The following SGMS1 variants were observed in gnomAD, a reference collection of about 807,000 sequenced individuals.
SGMS1 encodes the protein phosphatidylcholine:ceramide cholinephosphotransferase 1.
A neutral mutation model predicts 46.2 loss-of-function variants in SGMS1; 13 were observed. The ratio of observed to expected loss-of-function variants is 0.28; its 90% confidence interval spans 0.18 to 0.45. SGMS1 has a LOEUF of 0.45. SGMS1 is among the 20% of genes least tolerant of loss of function. The pLI, the probability that SGMS1 is intolerant of heterozygous loss-of-function variation, is 1.00. For missense variants in SGMS1, 324 were observed against 519.9 expected (o/e 0.62, Z 3.66); for synonymous variants, 203 against 187.8 (o/e 1.08, Z -0.66).
chr10:50,446,329 G>T (rs1233834496), intron 5 of SGMS1, among the ~76,000 whole-genome samples: 1 of 152,004 alleles, frequency 6.6e-6, no homozygotes. Context: ...CTGCCAACAT[G>T]TGATGTCTCC....
At chr10:50,353,096 G>C (rs1848051260) in intron 6 of SGMS1, among the ~76,000 whole-genome samples, 1 of 152,200 alleles carries the variant, frequency 6.6e-6, no homozygotes, top group Non-Finnish European at 1.5e-5. Context: ...GATAAGGCCA[G>C]CATCATCCTG....
At chr10:50,500,306 A>T (rs1174237967) in intron 3 of SGMS1, among the ~76,000 whole-genome samples, 1 of 152,244 alleles carries the variant, frequency 6.6e-6, no homozygotes, top group Non-Finnish European at 1.5e-5. Flanking sequence ...GAAATCACTT[A>T]ACCCAAACTG....
rs191463101 is a variant in SGMS1, at chr10:50,472,427, T to A, written c.-497-5495A>T. Among the ~76,000 whole-genome samples, 318 of 152,284 alleles carry A rather than the reference T, an allele frequency of 2.1e-3. 4 individuals are homozygous for A. Among genetic ancestry groups the A allele is most frequent in the South Asian group, 8.3e-3 (40 of 4,816 alleles). ...GTTTGACTTTTCAAGAATCTACATATATGTGAGATCATGCAGTAACATAAT... is the reference window on the plus strand; with the variant it reads ...GTTTGACTTTTCAAGAATCTACATAAATGTGAGATCATGCAGTAACATAAT... On this transcript the variant is annotated intron_variant, in intron 3 of 10. Coordinates refer to ENST00000361781, the MANE Select transcript of SGMS1 (RefSeq NM_147156.4).
At chr10:50,595,577 C>T (rs556444164) in intron 1 of SGMS1, among the ~76,000 whole-genome samples, 115 of 152,148 alleles carry the variant, frequency 7.6e-4, no homozygotes, top group Non-Finnish European at 1.4e-3. Flanking sequence ...AGTAACTTGG[C>T]CAAAATCACA....
intron 1 of SGMS1, among the ~76,000 whole-genome samples, chr10:50,622,758 G>C (rs980516590): frequency 6.6e-6 from 1 of 152,166 alleles, no homozygotes; most frequent in Non-Finnish European, 1.5e-5. Context: ...TCTACTTCGC[G>C]GCACCAAAGA....
At chr10:50,515,324 A>T (rs777462351) in intron 3 of SGMS1, among the ~76,000 whole-genome samples, 10 of 152,222 alleles carry the variant, frequency 6.6e-5, no homozygotes, top group Non-Finnish European at 1.0e-4. Flanking sequence ...TATGAAAGAC[A>T]GCACTCTTGG....
At chr10:50,337,154 A>T (rs543101487) in intron 7 of SGMS1, among the ~76,000 whole-genome samples, 6 of 152,222 alleles carry the variant, frequency 3.9e-5, no homozygotes, top group Non-Finnish European at 7.3e-5. Flanking sequence ...CATGAGTTTC[A>T]TACATGGATG....
At chr10:50,443,205 G>T (rs747505255) in intron 5 of SGMS1, among the ~76,000 whole-genome samples, 3 of 152,114 alleles carry the variant, frequency 2.0e-5, no homozygotes, top group South Asian at 2.1e-4. Flanking sequence ...TGTAGATAAG[G>T]CATCCCTGTT....
chr10:50,313,501 G>A (rs1218677542), intron 8 of SGMS1, among the ~76,000 whole-genome samples: 2 of 152,156 alleles, frequency 1.3e-5, no homozygotes, highest in African/African-American at 2.4e-5. Context: ...TTTTCACATC[G>A]AGTTGTGTAG....
At chr10:50,370,340 C>G (rs921053521) in intron 6 of SGMS1, among the ~76,000 whole-genome samples, 5 of 151,858 alleles carry the variant, frequency 3.3e-5, no homozygotes, top group African/African-American at 1.2e-4. Flanking sequence ...AAAACACAAA[C>G]GCATTATACA....
At chr10:50,394,448 G>C (rs117863440) in intron 6 of SGMS1, among the ~76,000 whole-genome samples, 1 of 152,206 alleles carries the variant, frequency 6.6e-6, no homozygotes. Flanking sequence ...TGACAAAGCA[G>C]AATTTGTCAA....
chr10:50,343,718 C>T lies in SGMS1; in HGVS notation c.397G>A (p.Gly133Ser), dbSNP rs774603892. The change falls in exon 7 of 11, where the codon GGC becomes AGC. Residue 133 changes from glycine to serine, a missense_variant. Physicochemically the swap from Gly to Ser is moderately conservative, Grantham distance 56 (BLOSUM62 0). Transcript: ENST00000361781. ...TAAAGAAAGGCCAGAAAAGTCTTGC[C>T]CCACTCCATGGGGTACTGAGAGCGC... Reference protein sequence around the residue: ...LERSQYPMEWGKTFLAFLYAL... With the variant: ...LERSQYPMEWSKTFLAFLYAL... The T allele has an allele frequency of 3.2e-5, 52 of 1,613,990 alleles. No individual in the cohort carries two copies. The highest frequency in any genetic ancestry group is 1.6e-4 in the Middle Eastern group (1 of 6,082).
Position 50,535,531 on chromosome 10 carries a change from A to G in SGMS1, c.-588-15610T>C, listed in dbSNP as rs191540498. On this transcript the variant is annotated intron_variant, in intron 2 of 10. Transcript: ENST00000361781. ...CAGGTACAGGTGCACCACCACACCT[A>G]GCTAATTTTTGTATTTTGAGTAGAG... Among the ~76,000 whole-genome samples the G allele has an allele frequency of 7.1e-4, 108 of 152,072 alleles. 1 individual carries two copies. The highest frequency in any genetic ancestry group is 2.5e-3 in the African/African-American group (104 of 41,506).
intron 6 of SGMS1, among the ~76,000 whole-genome samples, chr10:50,429,226 G>A (rs1231047841): frequency 3.3e-5 from 5 of 152,142 alleles, no homozygotes; most frequent in Non-Finnish European, 5.9e-5. Context: ...GGTCAACAAG[G>A]GACACACAAA....
intron 5 of SGMS1, among the ~76,000 whole-genome samples, chr10:50,456,892 C>T (rs925852924): frequency 6.6e-5 from 10 of 152,284 alleles, no homozygotes; most frequent in African/African-American, 2.4e-4. Context: ...AGAATTTTCC[C>T]ATGCTACAGT....
At chr10:50,486,670 T>C (rs1356450134) in intron 3 of SGMS1, among the ~76,000 whole-genome samples, 1 of 152,148 alleles carries the variant, frequency 6.6e-6, no homozygotes, top group Non-Finnish European at 1.5e-5. Flanking sequence ...CAGATGCTGG[T>C]CAGACTACAG....
intron 5 of SGMS1, among the ~76,000 whole-genome samples, chr10:50,448,370 A>C (rs1837052130): frequency 1.3e-5 from 2 of 152,200 alleles, no homozygotes; most frequent in Admixed American, 1.3e-4. Flanking sequence ...TAATGTCTGC[A>C]GTCAATCTAT....
intron 7 of SGMS1, among the ~76,000 whole-genome samples, chr10:50,328,856 A>T (rs1847570676): frequency 6.6e-6 from 1 of 152,258 alleles, no homozygotes. Flanking sequence ...GAAGAATACC[A>T]GCCTATAAAT....
At chr10:50,353,340 CAT>C (rs1486605169) in intron 6 of SGMS1, among the ~76,000 whole-genome samples, 1 of 152,420 alleles carries the variant, frequency 6.6e-6, no homozygotes, top group African/African-American at 2.4e-5. Context: ...ACAAAAACCA[CAT>C]GATTATCTCA....
Sources: allele counts gnomAD v4.1 joint callset (sites outside exome capture counted in the v4.1 genomes callset), GRCh38; gene constraint gnomAD v4.1.1; transcripts MANE v1.5; gene names NCBI Gene and HGNC (gene_info 2026-07-23, HGNC 2026-07-21).